The following NGLY1 variants were observed in gnomAD, a reference collection of about 807,000 sequenced individuals.
NGLY1 encodes peptide-N(4)-(N-acetyl-beta-glucosaminyl)asparagine amidase.
Under a neutral mutation model 84.6 loss-of-function variants are expected in NGLY1, and 68 were observed. That is an observed-to-expected ratio of 0.80 (90% CI 0.66 to 0.98). The LOEUF is 0.98. Among genes scored for constraint, NGLY1 ranks in the 50% least tolerant of loss-of-function variants. The pLI, the probability that NGLY1 is intolerant of heterozygous loss-of-function variation, is 0.00. For synonymous variants in NGLY1, 280 were observed against 275.2 expected (o/e 1.02, Z -0.17); for missense variants, 779 against 770.2 (o/e 1.01, Z -0.14).
intron 5 of NGLY1, 126 bp downstream of exon 5, chr3:25,739,451 T>G: frequency 1.1e-6 from 1 of 918,878 alleles, no homozygotes; most frequent in Non-Finnish European, 1.6e-6. Context: ...CAGCCACGGT[T>G]TGCTCACCGG....
intron 3 of NGLY1, among the ~76,000 whole-genome samples, chr3:25,751,562 G>A (rs1328447490): frequency 1.3e-5 from 2 of 152,178 alleles, no homozygotes; most frequent in Non-Finnish European, 1.5e-5. Context: ...TCTGATCTAT[G>A]CATCTAATGG....
intron 6 of NGLY1, 96 bp downstream of exon 6, chr3:25,737,238 G>C: frequency 2.8e-6 from 3 of 1,072,724 alleles, no homozygotes; most frequent in Non-Finnish European, 3.9e-6. Context: ...GACTGACAAG[G>C]CCAAAAAGTA....
In NGLY1 at chr3:25,737,407, G is replaced by A. The variant is rs745814294; in HGVS notation, c.930C>T (p.Gly310=). The stretch of plus-strand genomic sequence containing the variant: ...ACAGTGTAAAACAATTGGCCCACTC[G>A]CCACACCGTCCACATCTTGTTTCCA... The part of the protein sequence containing the change: ...KLLETRCGRC[G]EWANCFTLCC... The change falls in exon 6 of 12, where the codon GGC becomes GGT. Residue 310 remains glycine (G), a synonymous_variant. Transcript: ENST00000280700. 8 of 1,613,730 alleles carry A rather than the reference G, an allele frequency of 5.0e-6. No homozygotes were observed. Among genetic ancestry groups the A allele is most frequent in the South Asian group, 1.1e-5 (1 of 91,054 alleles).
intron 4 of NGLY1, among the ~76,000 whole-genome samples, chr3:25,750,677 T>TA (rs1365895151): frequency 1.3e-5 from 2 of 152,178 alleles, no homozygotes; most frequent in Non-Finnish European, 2.9e-5. Context: ...AAAAAGGTGA[T>TA]ATGTGACCAT....
At chr3:25,781,038 A>G (rs1181513371) in intron 1 of NGLY1, among the ~76,000 whole-genome samples, 1 of 151,910 alleles carries the variant, frequency 6.6e-6, no homozygotes, top group Non-Finnish European at 1.5e-5. Context: ...CAGTGGCATG[A>G]TTATGGGCTC....
intron 10 of NGLY1, among the ~76,000 whole-genome samples, chr3:25,724,480 A>G (rs1440948117): frequency 1.3e-5 from 2 of 152,124 alleles, no homozygotes; most frequent in African/African-American, 4.8e-5. Flanking sequence ...TATACTTCCA[A>G]TTTATTCCAT....
intron 2 of NGLY1, among the ~76,000 whole-genome samples, chr3:25,775,981 G>A (rs1354368267): frequency 2.0e-5 from 3 of 152,176 alleles, no homozygotes; most frequent in Non-Finnish European, 4.4e-5. Flanking sequence ...CAACTATTAT[G>A]TATTCATATA....
intron 3 of NGLY1, among the ~76,000 whole-genome samples, chr3:25,762,013 A>T (rs917298805): frequency 6.6e-6 from 1 of 152,204 alleles, no homozygotes. Context: ...TTAACTTTCT[A>T]ACAATCACCA....
chr3:25,729,776 C>T (rs971225890), intron 9 of NGLY1: 2 of 152,336 alleles, frequency 1.3e-5, no homozygotes, highest in Admixed American at 1.3e-4. Context: ...AAACTCCAAG[C>T]TCTTTACCAC....
At chr3:25,752,037 G>A (rs1321852755) in intron 3 of NGLY1, among the ~76,000 whole-genome samples, 1 of 152,148 alleles carries the variant, frequency 6.6e-6, no homozygotes, top group Non-Finnish European at 1.5e-5. Flanking sequence ...AGACAAGCTG[G>A]CAGGACCTCT....
chr3:25,731,221 C>T (rs1484409997), intron 9 of NGLY1, among the ~76,000 whole-genome samples: 1 of 151,960 alleles, frequency 6.6e-6, no homozygotes, highest in Non-Finnish European at 1.5e-5. Flanking sequence ...TGTATTTTCT[C>T]CACTCCATAA....
At chr3:25,762,598 C>T (rs1328542110) in intron 3 of NGLY1, among the ~76,000 whole-genome samples, 1 of 152,086 alleles carries the variant, frequency 6.6e-6, no homozygotes. Context: ...TGTTTAGAGG[C>T]TTTCTGGTGA....
intron 3 of NGLY1, among the ~76,000 whole-genome samples, chr3:25,758,727 G>A (rs1707164328): frequency 6.6e-6 from 1 of 152,106 alleles, no homozygotes; most frequent in African/African-American, 2.4e-5. Context: ...GACAATATGT[G>A]CTGAAAAATA....
chr3:25,760,015 T>C (rs1707232426), intron 3 of NGLY1, among the ~76,000 whole-genome samples: 1 of 152,096 alleles, frequency 6.6e-6, no homozygotes, highest in African/African-American at 2.4e-5. Context: ...GGCTTTAAAA[T>C]TTAGAACCTG....
intron 9 of NGLY1, 22 bp from the exon 10 acceptor site, chr3:25,729,340 G>GC (rs758313155): frequency 4.6e-5 from 60 of 1,305,410 alleles, no homozygotes; most frequent in Non-Finnish European, 5.8e-5. Flanking sequence ...AGCAGAATTA[G>GC]TTTTTCAACA....
At chr3:25,721,748 CAAAAAAAAAAAAAAA>C (rs59028606) in intron 10 of NGLY1, among the ~76,000 whole-genome samples, 8 of 50,704 alleles carry the variant, frequency 1.6e-4, no homozygotes, top group Admixed American at 3.3e-4. Context: ...GACTCCATCT[CAAAAAAAAAAAAAAA>C]AAAAAAAAAA....
intron 5 of NGLY1, among the ~76,000 whole-genome samples, chr3:25,737,893 C>T (rs578195275): frequency 6.6e-6 from 1 of 152,196 alleles, no homozygotes; most frequent in African/African-American, 2.4e-5. Context: ...ATATGAGGCA[C>T]AATGTTAGAA....
In NGLY1 at chr3:25,727,039, C is replaced by T. The variant is rs187601064; in HGVS notation, c.1611+2094G>A. Among the ~76,000 whole-genome samples the T allele has an allele frequency of 3.3e-5, 5 of 152,218 alleles. No homozygotes were observed. The East Asian group carries it at 5.8e-4, about 18-fold the overall frequency. ...CCTGGTTGGAGATTACTGAGAAAAA[C>T]GGTAGTGAGAAATAGGTTTACTATT... On this transcript the variant is annotated intron_variant, in intron 10 of 11. Transcript: ENST00000280700.
At chr3:25,721,748 C>CAAAAA (rs59028606) in intron 10 of NGLY1, among the ~76,000 whole-genome samples, 19 of 50,692 alleles carry the variant, frequency 3.7e-4, no homozygotes, top group East Asian at 6.5e-4. Flanking sequence ...GACTCCATCT[C>CAAAAA]AAAAAAAAAA....
Sources: allele counts gnomAD v4.1 joint callset (sites outside exome capture counted in the v4.1 genomes callset), GRCh38; gene constraint gnomAD v4.1.1; transcripts MANE v1.5; gene names NCBI Gene and HGNC (gene_info 2026-07-23, HGNC 2026-07-21).